The following RSPO2 variants were observed in gnomAD, a reference collection of about 807,000 sequenced individuals.
RSPO2 encodes the protein R-spondin 2, also known as R-spondin-2.
A neutral mutation model predicts 30.9 loss-of-function variants in RSPO2; 14 were observed. That is an observed-to-expected ratio of 0.45 (90% confidence interval 0.30 to 0.71). The LOEUF (loss-of-function observed/expected upper bound fraction) is 0.71. RSPO2 is among the 30% of genes least tolerant of loss of function. RSPO2 has a pLI of 0.08. For missense variants in RSPO2, 264 were observed against 301.9 expected, an observed-to-expected ratio of 0.87 and a Z score of 0.93; for synonymous variants, 107 against 96.4, an observed-to-expected ratio of 1.11 and a Z score of -0.64.
intron 5 of RSPO2, among the ~76,000 whole-genome samples, chr8:107,930,748 A>G (rs766507344): frequency 1.3e-5 from 2 of 152,206 alleles, no homozygotes; most frequent in Non-Finnish European, 1.5e-5. Context: ...CACTTGGAGA[A>G]ACTGGATTAT....
chr8:108,050,045 TTCTC>T (rs1270439949), intron 2 of RSPO2, among the ~76,000 whole-genome samples: 7 of 152,290 alleles, frequency 4.6e-5, no homozygotes, highest in Non-Finnish European at 1.0e-4. Flanking sequence ...AAAACTTAAA[TTCTC>T]TCTATTATGT....
intron 5 of RSPO2, among the ~76,000 whole-genome samples, chr8:107,912,445 T>A (rs947904306): frequency 6.6e-6 from 1 of 152,038 alleles, no homozygotes; most frequent in African/African-American, 2.4e-5. Context: ...GCTTCCAGTG[T>A]GGGGAGGCAC....
intron 5 of RSPO2, 148 bp downstream of exon 5, chr8:107,957,932 T>C (rs1813480092): frequency 1.8e-6 from 1 of 552,450 alleles, no homozygotes; most frequent in Non-Finnish European, 3.2e-6. Flanking sequence ...CATTTGTTTT[T>C]AAATAAGTAC....
At chr8:108,047,105 C>T (rs891460576) in intron 2 of RSPO2, among the ~76,000 whole-genome samples, 2 of 152,144 alleles carry the variant, frequency 1.3e-5, no homozygotes, top group Non-Finnish European at 2.9e-5. Flanking sequence ...AAAGCCATTT[C>T]CTTGCCAGTG....
chr8:108,051,481 G>A (rs1812078107), intron 2 of RSPO2, among the ~76,000 whole-genome samples: 1 of 152,106 alleles, frequency 6.6e-6, no homozygotes, highest in South Asian at 2.1e-4. Flanking sequence ...TCATCTAAAA[G>A]AAATGTTAAG....
chr8:107,902,393 G>A (rs1376404359), intron 5 of RSPO2, among the ~76,000 whole-genome samples: 1 of 152,100 alleles, frequency 6.6e-6, no homozygotes, highest in Non-Finnish European at 1.5e-5. Flanking sequence ...ATAGGGAACA[G>A]GACATTCAGT....
chr8:107,911,213 A>G (rs138984141), intron 5 of RSPO2, among the ~76,000 whole-genome samples: 107 of 152,238 alleles, frequency 7.0e-4, no homozygotes, highest in African/African-American at 2.4e-3. Flanking sequence ...TCCCTCTTAT[A>G]ATAGCCTCTG....
chr8:107,935,566 C>T (rs1377212351), intron 5 of RSPO2, among the ~76,000 whole-genome samples: 1 of 151,952 alleles, frequency 6.6e-6, no homozygotes, highest in Non-Finnish European at 1.5e-5. Flanking sequence ...GATGGATGCA[C>T]CAAAGCCACA....
chr8:108,036,707 G>T (rs921074015), intron 2 of RSPO2, among the ~76,000 whole-genome samples: 1 of 152,170 alleles, frequency 6.6e-6, no homozygotes, highest in African/African-American at 2.4e-5. Flanking sequence ...GAAGGTTGTT[G>T]TTTTATATAT....
chr8:108,042,504 T>C (rs1811788805), intron 2 of RSPO2, among the ~76,000 whole-genome samples: 1 of 152,132 alleles, frequency 6.6e-6, no homozygotes, highest in African/African-American at 2.4e-5. Flanking sequence ...CCAAGTCTCA[T>C]TACAGCTCAA....
At chr8:108,016,430 G>A (rs1810890792) in intron 2 of RSPO2, among the ~76,000 whole-genome samples, 2 of 152,102 alleles carry the variant, frequency 1.3e-5, no homozygotes, top group Non-Finnish European at 2.9e-5. Flanking sequence ...AATGCTGAAA[G>A]GTGTCTCTCC....
intron 2 of RSPO2, among the ~76,000 whole-genome samples, chr8:108,008,820 G>T (rs1395717651): frequency 1.3e-5 from 2 of 150,072 alleles, no homozygotes; most frequent in Non-Finnish European, 3.0e-5. Context: ...AGGTAAATTT[G>T]ACTGAAACAA....
Position 107,960,819 on chromosome 8 carries a change from T to TA in RSPO2, c.284-3dup. 2.6e-6 allele frequency: 4 copies of TA among 1,567,376 alleles called. No homozygotes were observed. The highest frequency in any genetic ancestry group is 2.6e-6 in the Non-Finnish European group (3 of 1,161,970). On this transcript the variant is annotated splice_region_variant and splice_polypyrimidine_tract_variant and intron_variant, in intron 3 of 5. Transcript: ENST00000276659. The stretch of plus-strand genomic sequence containing the variant: ...AATCACAGTTTTCTATTCTGCATCC[T>TA]AAAAACAATTTTAAAGAGAAAAAAG...
At chr8:107,976,144 C>A (rs1006468309) in intron 3 of RSPO2, among the ~76,000 whole-genome samples, 1 of 152,174 alleles carries the variant, frequency 6.6e-6, no homozygotes, top group Non-Finnish European at 1.5e-5. Flanking sequence ...TGAAAGTGTA[C>A]CACTTCAAAG....
At position 107,932,429 on chromosome 8, in the gene RSPO2, T is replaced by A. The variant is rs552452115; in HGVS notation, c.616+25651A>T. 2.1e-3 allele frequency among the ~76,000 whole-genome samples: 326 copies of A among 152,260 alleles called. 2 individuals are homozygous for A. Among genetic ancestry groups the A allele is most frequent in the Middle Eastern group, 0.01 (3 of 294 alleles). On this transcript the variant is annotated intron_variant, in intron 5 of 5. Coordinates refer to ENST00000276659, the MANE Select transcript of RSPO2 (RefSeq NM_178565.5). The stretch of plus-strand genomic sequence containing the variant: ...GAGCCCATTTGAGCAGAGAATTAGA[T>A]GTCATTTTAGATATTTTGAATTTGA...
At chr8:107,934,326 TA>T (rs959285940) in intron 5 of RSPO2, among the ~76,000 whole-genome samples, 2 of 151,060 alleles carry the variant, frequency 1.3e-5, no homozygotes, top group South Asian at 4.2e-4. Context: ...AGGTATGCCT[TA>T]AAAAAAACCA....
At chr8:108,063,207 A>C (rs1163010108) in intron 2 of RSPO2, among the ~76,000 whole-genome samples, 3 of 151,804 alleles carry the variant, frequency 2.0e-5, no homozygotes, top group Admixed American at 6.6e-5. Context: ...GAAGGAAATA[A>C]AGGGCATTCA....
At chr8:107,984,262 A>T (rs906551424) in intron 3 of RSPO2, among the ~76,000 whole-genome samples, 33 of 152,366 alleles carry the variant, frequency 2.2e-4, no homozygotes, top group African/African-American at 6.0e-4. Flanking sequence ...TCCAAGCAAC[A>T]GTTATTTTTC....
intron 3 of RSPO2, among the ~76,000 whole-genome samples, chr8:107,969,790 T>C (rs1396085114): frequency 6.6e-6 from 1 of 152,184 alleles, no homozygotes; most frequent in African/African-American, 2.4e-5. Context: ...GTATCTCATA[T>C]CAGATTTTAA....
Sources: gnomAD v4.1 joint callset for allele counts (sites outside exome capture counted in the v4.1 genomes callset) on GRCh38, gnomAD v4.1.1 for gene constraint, MANE v1.5 for transcripts, NCBI Gene and HGNC (gene_info 2026-07-23, HGNC 2026-07-21) for gene names.